Variants in PSMG2 observed in about 807,000 individuals in gnomAD.
The protein encoded by PSMG2 is proteasome assembly chaperone 2.
A neutral mutation model predicts 31.5 loss-of-function variants in PSMG2; 21 were observed. The ratio of observed to expected loss-of-function variants is 0.67; its 90% confidence interval spans 0.47 to 0.96. The LOEUF is 0.96. PSMG2 is among the 40% of genes least tolerant of loss of function. The pLI is 0.00. For missense variants in PSMG2, 318 were observed against 321.2 expected (o/e 0.99, Z 0.08); for synonymous variants, 120 against 110.4 (o/e 1.09, Z -0.54).
intron 1 of PSMG2, among the ~76,000 whole-genome samples, chr18:12,704,500 G>A (rs1025952499): frequency 1.3e-5 from 2 of 151,984 alleles, no homozygotes; most frequent in African/African-American, 4.8e-5. Flanking sequence ...GAGGTGGGAG[G>A]ATCACTTGAG....
chr18:12,716,436 C>T (rs530114271), intron 3 of PSMG2, among the ~76,000 whole-genome samples: 2 of 147,384 alleles, frequency 1.4e-5, no homozygotes, highest in African/African-American at 5.0e-5. Flanking sequence ...CCCTGTTGCG[C>T]AGGCTGGACC....
At chr18:12,693,819 A>G (rs896058744) in intron 1 of PSMG2, among the ~76,000 whole-genome samples, 1 of 152,028 alleles carries the variant, frequency 6.6e-6, no homozygotes, top group South Asian at 2.1e-4. Flanking sequence ...GTATACACAT[A>G]ATGTATATGT....
intron 3 of PSMG2, among the ~76,000 whole-genome samples, chr18:12,717,497 T>C (rs1200845713): frequency 2.6e-5 from 4 of 152,202 alleles, no homozygotes; most frequent in Admixed American, 2.6e-4. Flanking sequence ...TTCGAAACAA[T>C]CCAGAAGTAG....
chr18:12,703,053 G>A lies in PSMG2; in HGVS notation c.-55G>A. 51 of 1,584,760 alleles carry A rather than the reference G, an allele frequency of 3.2e-5. No homozygotes were observed. In the South Asian group the frequency reaches 5.8e-4, roughly 18 times the overall value. On this transcript the variant is annotated 5_prime_UTR_variant, in exon 1 of 7. Transcript: ENST00000317615. ...GGTCTCGGGCTTCCGCCTTCTTGCTGCCCTCGTTCTTGCCAGGGCCGCGGT... is the reference window on the plus strand; with the variant it reads ...GGTCTCGGGCTTCCGCCTTCTTGCTACCCTCGTTCTTGCCAGGGCCGCGGT...
At chr18:12,724,856 T>C in intron 6 of PSMG2, 2 of 429,654 alleles carry the variant, frequency 4.7e-6, no homozygotes, top group Non-Finnish European at 8.1e-6. Flanking sequence ...TAGTTCTTCA[T>C]TGTACTTACT....
At chr18:12,724,283 C>T (rs935057465) in intron 5 of PSMG2, 18 of 451,196 alleles carry the variant, frequency 4.0e-5, no homozygotes, top group Non-Finnish European at 6.5e-5. Context: ...TGGGGTGAGG[C>T]ATGATTGTGC....
rs2039217023 is a variant in PSMG2, at chr18:12,678,279, C to T, written c.-37+19506C>T. Reference sequence around the variant, plus strand: ...TCACTCATGGGTTTCCATTTGGATTCATCGTTCAAATCAAATACACAGGTT... The same window carrying T: ...TCACTCATGGGTTTCCATTTGGATTTATCGTTCAAATCAAATACACAGGTT... On this transcript the variant is annotated intron_variant, in intron 1 of 6. Coordinates refer to the PSMG2 transcript ENST00000585331. 3.1e-6 allele frequency: 5 copies of T among 1,613,976 alleles called. No individual in the cohort carries two copies. The East Asian group carries it at 1.1e-4, about 36-fold the overall frequency.
At chr18:12,677,621 AT>A (rs1334809221) in intron 1 of PSMG2, among the ~76,000 whole-genome samples, 2 of 151,984 alleles carry the variant, frequency 1.3e-5, no homozygotes, top group Non-Finnish European at 2.9e-5. Context: ...CAGTATACAT[AT>A]TTTTTCTTTA....
At position 12,725,590 on chromosome 18, in the gene PSMG2, C is replaced by G. The variant is rs11537901; in HGVS notation, c.*59C>G. The G allele has an allele frequency of 9.2e-5, 118 of 1,278,858 alleles. 1 individual carries two copies. In the South Asian group the frequency reaches 1.5e-3, roughly 16 times the overall value. The allele number at this position is 1,278,858 out of a possible 1,614,324, so 79.2% of individuals were successfully genotyped here. ...ACTTACTACCAACACAGCTGTTAAA[C>G]ATTCTATACAAAAAAATTGTATGAT... is the stretch of plus-strand genomic sequence containing the variant. On this transcript the variant is annotated 3_prime_UTR_variant, in exon 7 of 7. Transcript: ENST00000317615.
chr18:12,672,790 TA>T, intron 1 of PSMG2: 1 of 980,648 alleles, frequency 1.0e-6, no homozygotes, highest in Non-Finnish European at 1.2e-6. Context: ...GCTTTTCTGG[TA>T]TTAGTTTTTT....
At chr18:12,673,354 A>G (rs1182380740) in intron 1 of PSMG2, 2 of 1,596,580 alleles carry the variant, frequency 1.3e-6, no homozygotes, top group Non-Finnish European at 1.7e-6. Flanking sequence ...AATCTTATAT[A>G]AATATTGGCC....
At chr18:12,668,224 C>T (rs1425814709) in intron 1 of PSMG2, among the ~76,000 whole-genome samples, 1 of 151,952 alleles carries the variant, frequency 6.6e-6, no homozygotes, top group Non-Finnish European at 1.5e-5. Context: ...GAGATTGCAC[C>T]ACTGCACTCC....
chr18:12,691,107 T>G (rs2039742837), intron 1 of PSMG2: 1 of 340,944 alleles, frequency 2.9e-6, no homozygotes, highest in African/African-American at 2.1e-5. Context: ...TAAAACACAA[T>G]AATTGATTCA....
At position 12,670,202 on chromosome 18, in the gene PSMG2, T is replaced by C. The variant is rs552297859; in HGVS notation, c.-37+11429T>C. Among the ~76,000 whole-genome samples the C allele has an allele frequency of 2.0e-5, 3 of 151,848 alleles. No homozygotes were observed. In the South Asian group the frequency reaches 6.3e-4, roughly 32 times the overall value. ...AAAATTAGCTGGGCGTGGTAGCGTG[T>C]GCCTGTAGTCCCAGCTACTTGGGAG... On this transcript the variant is annotated intron_variant, in intron 1 of 6. Coordinates refer to the PSMG2 transcript ENST00000585331.
chr18:12,719,248 C>T (rs761776896), intron 4 of PSMG2, among the ~76,000 whole-genome samples: 3 of 151,990 alleles, frequency 2.0e-5, no homozygotes, highest in Non-Finnish European at 2.9e-5. Context: ...ATCCACTTGC[C>T]TAAAGGGTAG....
intron 5 of PSMG2, among the ~76,000 whole-genome samples, chr18:12,722,377 C>G (rs1430025027): frequency 6.6e-6 from 1 of 152,080 alleles, no homozygotes; most frequent in Admixed American, 6.6e-5. Context: ...GAGCGGAACC[C>G]AAGCAGAGCT....
intron 3 of PSMG2, among the ~76,000 whole-genome samples, chr18:12,715,665 C>G (rs1286440643): frequency 1.3e-5 from 2 of 152,082 alleles, no homozygotes; most frequent in Non-Finnish European, 2.9e-5. Flanking sequence ...GCCACCACGC[C>G]TGGCTACTTT....
intron 1 of PSMG2, among the ~76,000 whole-genome samples, chr18:12,678,697 G>A (rs34084006): frequency 0.092 from 13,996 of 152,012 alleles, 888 homozygotes; most frequent in Non-Finnish European, 0.13. Flanking sequence ...GGCCGGATGC[G>A]GTAGTCCCAG....
upstream of PSMG2, chr18:12,699,893 G>C (rs1332707083): frequency 4.4e-6 from 7 of 1,593,802 alleles, no homozygotes; most frequent in Admixed American, 3.5e-5. Flanking sequence ...GGGAGTTCTT[G>C]CTCAACACTG....
Sources: allele counts gnomAD v4.1 joint callset (sites outside exome capture counted in the v4.1 genomes callset), GRCh38; gene constraint gnomAD v4.1.1; transcripts MANE v1.5; gene names NCBI Gene and HGNC (gene_info 2026-07-23, HGNC 2026-07-21).